SMOC1: variants seen among roughly 807,000 people sequenced by gnomAD.
SMOC1 encodes SPARC related modular calcium binding 1, also known as SPARC-related modular calcium-binding protein 1.
SMOC1 carries 22 observed loss-of-function variants against 56.3 expected under a neutral mutation model. The observed-to-expected ratio is 0.39, with a 90% confidence interval of 0.28 to 0.56. SMOC1 has a LOEUF of 0.56. Ranked by LOEUF, SMOC1 falls within the 20% of genes least tolerant of loss-of-function variation. SMOC1 has a pLI of 0.61. For missense variants in SMOC1, 509 were observed against 565.4 expected (o/e 0.90, Z 1.01); for synonymous variants, 193 against 215.0 (o/e 0.90, Z 0.89).
At chr14:70,006,917 G>A (rs533409538) in intron 7 of SMOC1, among the ~76,000 whole-genome samples, 5 of 152,284 alleles carry the variant, frequency 3.3e-5, no homozygotes, top group East Asian at 3.9e-4. Context: ...TTGAGGCCTC[G>A]GCCTGACACA....
At chr14:69,959,371 G>T (rs1883292566) in intron 3 of SMOC1, among the ~76,000 whole-genome samples, 1 of 152,106 alleles carries the variant, frequency 6.6e-6, no homozygotes, top group African/African-American at 2.4e-5. Flanking sequence ...CATAAATGTT[G>T]AGCAACCATG....
At chr14:69,896,207 C>A (rs1373659423) in intron 1 of SMOC1, among the ~76,000 whole-genome samples, 1 of 152,216 alleles carries the variant, frequency 6.6e-6, no homozygotes, top group African/African-American at 2.4e-5. Context: ...CACCTCCCAT[C>A]TCAATGCTGG....
chr14:69,968,838 C>T (rs1447432463), intron 3 of SMOC1, among the ~76,000 whole-genome samples: 1 of 152,206 alleles, frequency 6.6e-6, no homozygotes, highest in African/African-American at 2.4e-5. Flanking sequence ...CTGAATCAAG[C>T]CTGTCCCATT....
At chr14:69,910,251 G>T (rs1329872076) in intron 1 of SMOC1, among the ~76,000 whole-genome samples, 1 of 152,214 alleles carries the variant, frequency 6.6e-6, no homozygotes, top group Non-Finnish European at 1.5e-5. Flanking sequence ...AAACCGAGGT[G>T]CAGAGAATTC....
At chr14:69,957,791 G>A (rs1474547009) in intron 3 of SMOC1, among the ~76,000 whole-genome samples, 2 of 152,098 alleles carry the variant, frequency 1.3e-5, no homozygotes, top group Non-Finnish European at 2.9e-5. Flanking sequence ...CCCCCAAACT[G>A]GATTGCTTCA....
intron 10 of SMOC1, among the ~76,000 whole-genome samples, chr14:70,020,166 C>T (rs989985104): frequency 6.9e-6 from 1 of 145,724 alleles, no homozygotes; most frequent in African/African-American, 2.5e-5. Context: ...TTTTTTTTAA[C>T]CTGAGTCCAT....
chr14:69,884,489 G>C (rs886685181), intron 1 of SMOC1, among the ~76,000 whole-genome samples: 1 of 151,996 alleles, frequency 6.6e-6, no homozygotes. Flanking sequence ...TGCTTTTGTT[G>C]CTTGTGCTTT....
intron 1 of SMOC1, among the ~76,000 whole-genome samples, chr14:69,945,438 G>C (rs2139424526): frequency 6.6e-6 from 1 of 152,304 alleles, no homozygotes; most frequent in African/African-American, 2.4e-5. Context: ...GCCCAGGCAA[G>C]AGATAAAGGA....
intron 3 of SMOC1, among the ~76,000 whole-genome samples, chr14:69,962,522 T>C (rs1883421390): frequency 6.6e-6 from 1 of 152,104 alleles, no homozygotes; most frequent in Non-Finnish European, 1.5e-5. Flanking sequence ...TGGGTTCTTT[T>C]TACGTTCTCA....
chr14:70,025,459 T>C (rs1253993477), intron 11 of SMOC1, among the ~76,000 whole-genome samples: 1 of 152,144 alleles, frequency 6.6e-6, no homozygotes, highest in Non-Finnish European at 1.5e-5. Context: ...ACTTCATTAC[T>C]CTGGGCATGC....
At chr14:69,920,426 C>A (rs141934470) in intron 1 of SMOC1, among the ~76,000 whole-genome samples, 1 of 152,158 alleles carries the variant, frequency 6.6e-6, no homozygotes, top group Non-Finnish European at 1.5e-5. Context: ...TATTAAGGGG[C>A]TATTGCTAGA....
At chr14:69,995,706 C>G (rs919280988) in intron 7 of SMOC1, among the ~76,000 whole-genome samples, 9 of 152,140 alleles carry the variant, frequency 5.9e-5, no homozygotes, top group African/African-American at 2.2e-4. Context: ...AAGATAATGT[C>G]TATATGGCAC....
At chr14:70,023,102 G>A (rs987804828) in intron 10 of SMOC1, 101 bp from the exon 11 acceptor site, 65 of 1,594,880 alleles carry the variant, frequency 4.1e-5, no homozygotes, top group South Asian at 4.4e-5. Context: ...TGGAGGAGCC[G>A]TTTCTACCTG....
rs1281456336 is a variant in SMOC1 at position 69,994,418 on chromosome 14, T to C, written c.602T>C (p.Leu201Pro). The change falls in exon 7 of 12, where the codon CTA becomes CCA. Residue 201 changes from leucine (L) to proline (P), a missense_variant. Around this residue, in one of 3 missense-constraint regions of SMOC1, gnomAD observed 315 missense variants for 333.1 expected, o/e 0.95. Transcript: ENST00000361956. The part of the protein sequence containing the change: ...FDGDEITAPT[L>P]WIKHLVIKDS... ...CCCCTAGAAATCACAGCCCCAACTC[T>C]ATGGATTAAACACTTGGTGATCAAG... 2.5e-6 allele frequency: 4 copies of C among 1,614,002 alleles called. No homozygotes were observed. In the South Asian group the frequency reaches 4.4e-5, roughly 18 times the overall value.
At position 69,975,791 on chromosome 14, in the gene SMOC1, A is replaced by G. The variant is rs1274608757; in HGVS notation, c.455A>G (p.Gln152Arg). 7 of 1,612,518 alleles carry G rather than the reference A, an allele frequency of 4.3e-6. No individual in the cohort carries two copies. The highest frequency in any genetic ancestry group is 4.2e-6 in the Non-Finnish European group (5 of 1,179,792). ...AAGCCCATCAGTGGCTCTTCTGTGC[A>G]GAATAAAACTCCTGTATGTTCAGGT... is the stretch of plus-strand genomic sequence containing the variant. Reference protein sequence around the residue: ...DGKPISGSSVQNKTPVCSGSV... With the variant: ...DGKPISGSSVRNKTPVCSGSV... The change falls in exon 4 of 12, where the codon CAG (glutamine) becomes CGG (arginine). Residue 152 changes from glutamine (Q) to arginine (R), a missense_variant. Around this residue, in one of 3 missense-constraint regions of SMOC1, gnomAD observed 315 missense variants for 333.1 expected, o/e 0.95. Transcript: ENST00000361956.
At chr14:69,914,623 T>A (rs1217866296) in intron 1 of SMOC1, among the ~76,000 whole-genome samples, 1 of 152,156 alleles carries the variant, frequency 6.6e-6, no homozygotes, top group Non-Finnish European at 1.5e-5. Flanking sequence ...TGCCTAGGTC[T>A]GGTGAAGTAG....
intron 10 of SMOC1, among the ~76,000 whole-genome samples, chr14:70,016,753 G>A (rs1175111321): frequency 1.3e-5 from 2 of 152,124 alleles, no homozygotes; most frequent in African/African-American, 4.8e-5. Context: ...AACAAGTCAA[G>A]CTCTTGCCTG....
chr14:69,892,248 A>G (rs1157577879), intron 1 of SMOC1, among the ~76,000 whole-genome samples: 1 of 152,260 alleles, frequency 6.6e-6, no homozygotes, highest in African/African-American at 2.4e-5. Flanking sequence ...CAACAAATGC[A>G]TGACACACTG....
At chr14:69,888,847 G>A (rs889896639) in intron 1 of SMOC1, among the ~76,000 whole-genome samples, 1 of 152,156 alleles carries the variant, frequency 6.6e-6, no homozygotes, top group Non-Finnish European at 1.5e-5. Context: ...CTGGGGAGAG[G>A]ACACATTGTA....
Sources: gnomAD v4.1 joint callset for allele counts (sites outside exome capture counted in the v4.1 genomes callset) on GRCh38, gnomAD v4.1.1 for gene constraint, gnomAD v4.1.1 regional missense constraint, MANE v1.5 for transcripts, NCBI Gene and HGNC (gene_info 2026-07-23, HGNC 2026-07-21) for gene names.